Variants in RABGAP1L observed in about 807,000 individuals in gnomAD.
The protein encoded by RABGAP1L is RAB GTPase activating protein 1 like, also known as rab GTPase-activating protein 1-like.
A neutral mutation model predicts 137.7 loss-of-function variants in RABGAP1L; 63 were observed. The observed-to-expected ratio is 0.46, with a 90% CI of 0.37 to 0.56. The LOEUF (loss-of-function observed/expected upper bound fraction) is 0.56, where lower values mean the gene tolerates loss of function less well. Ranked by LOEUF, RABGAP1L falls within the 20% of genes least tolerant of loss-of-function variation. The pLI, the probability that RABGAP1L is intolerant of heterozygous loss-of-function variation, is 0.00. For missense variants in RABGAP1L, 1,095 were observed against 1,244.0 expected, an observed-to-expected ratio of 0.88 and a Z score of 1.80; for synonymous variants, 431 against 433.7, an observed-to-expected ratio of 0.99 and a Z score of 0.08.
chr1:174,567,675 G>T (rs1667676111), intron 13 of RABGAP1L, among the ~76,000 whole-genome samples: 1 of 152,118 alleles, frequency 6.6e-6, no homozygotes, highest in Non-Finnish European at 1.5e-5. Flanking sequence ...AGTGCTATTT[G>T]GCTGTTTGCT....
At chr1:174,959,453 C>CT (rs1395025763) in intron 20 of RABGAP1L, among the ~76,000 whole-genome samples, 1 of 152,038 alleles carries the variant, frequency 6.6e-6, no homozygotes, top group Non-Finnish European at 1.5e-5. Flanking sequence ...GTCTTAAATC[C>CT]TTTTTTGTGC....
intron 12 of RABGAP1L, among the ~76,000 whole-genome samples, chr1:174,390,958 G>GC (rs1442842007): frequency 6.6e-6 from 1 of 152,128 alleles, no homozygotes; most frequent in Admixed American, 6.5e-5. Flanking sequence ...AAAGAAAAGG[G>GC]CAAGAGTAAA....
intron 1 of RABGAP1L, among the ~76,000 whole-genome samples, chr1:174,194,557 G>C (rs190512627): frequency 9.2e-4 from 140 of 152,174 alleles, no homozygotes; most frequent in Non-Finnish European, 6.5e-4. Flanking sequence ...TCTAAAGCCT[G>C]GGACTGTCAG....
chr1:174,612,714 A>G (rs1557898916), intron 13 of RABGAP1L, among the ~76,000 whole-genome samples: 1 of 152,182 alleles, frequency 6.6e-6, no homozygotes, highest in Non-Finnish European at 1.5e-5. Context: ...TAAGCTATTG[A>G]TTATTGCCAC....
chr1:174,642,653 C>A (rs1013887141), intron 14 of RABGAP1L, among the ~76,000 whole-genome samples: 1 of 149,572 alleles, frequency 6.7e-6, no homozygotes, highest in African/African-American at 2.5e-5. Flanking sequence ...CCTCTCCTCT[C>A]CCCACCCTCT....
intron 13 of RABGAP1L, among the ~76,000 whole-genome samples, chr1:174,395,026 G>A (rs1163576536): frequency 1.3e-5 from 2 of 150,450 alleles, no homozygotes; most frequent in Non-Finnish European, 3.0e-5. Flanking sequence ...ATCCATTGGT[G>A]TGTGGGAAAA....
chr1:174,257,722 A>G (rs1356863700), intron 7 of RABGAP1L, among the ~76,000 whole-genome samples: 1 of 152,206 alleles, frequency 6.6e-6, no homozygotes, highest in African/African-American at 2.4e-5. Context: ...ATATTTTACC[A>G]AAAACACGAG....
intron 13 of RABGAP1L, among the ~76,000 whole-genome samples, chr1:174,608,411 G>A (rs941954807): frequency 1.3e-5 from 2 of 152,124 alleles, no homozygotes; most frequent in Non-Finnish European, 2.9e-5. Flanking sequence ...TTAGCCCAAG[G>A]CAATATGTAA....
intron 14 of RABGAP1L, among the ~76,000 whole-genome samples, chr1:174,674,761 CTT>C (rs1336314474): frequency 6.6e-6 from 1 of 152,076 alleles, no homozygotes; most frequent in Non-Finnish European, 1.5e-5. Flanking sequence ...TGTTTCCTAA[CTT>C]TTTAATGATC....
intron 13 of RABGAP1L, among the ~76,000 whole-genome samples, chr1:174,576,866 A>G (rs933022896): frequency 6.6e-6 from 1 of 152,148 alleles, no homozygotes; most frequent in Admixed American, 6.5e-5. Flanking sequence ...TAACGGAGCT[A>G]TCTTCAGGAA....
chr1:174,635,127 T>C (rs1460207318), intron 13 of RABGAP1L, among the ~76,000 whole-genome samples: 1 of 152,122 alleles, frequency 6.6e-6, no homozygotes, highest in Non-Finnish European at 1.5e-5. Context: ...TAGATTTTTT[T>C]CTTTTTACCA....
At chr1:174,351,221 T>C (rs1249025558) in intron 11 of RABGAP1L, among the ~76,000 whole-genome samples, 8 of 152,252 alleles carry the variant, frequency 5.3e-5, no homozygotes, top group African/African-American at 1.7e-4. Context: ...AGCACAATTA[T>C]AGTGTTATCA....
chr1:174,599,161 A>G (rs1670226639), intron 13 of RABGAP1L, among the ~76,000 whole-genome samples: 3 of 152,238 alleles, frequency 2.0e-5, no homozygotes, highest in Non-Finnish European at 4.4e-5. Context: ...CCAATCATTT[A>G]AAACTAATGA....
chr1:174,861,848 A>T (rs1224274486), intron 19 of RABGAP1L, among the ~76,000 whole-genome samples: 1 of 152,170 alleles, frequency 6.6e-6, no homozygotes, highest in Non-Finnish European at 1.5e-5. Context: ...TATTTTGGAT[A>T]TTAATCCCTC....
At chr1:174,602,154 A>G (rs961959129) in intron 13 of RABGAP1L, among the ~76,000 whole-genome samples, 3 of 152,048 alleles carry the variant, frequency 2.0e-5, no homozygotes, top group East Asian at 3.9e-4. Flanking sequence ...GCCCCACTCT[A>G]TGGGTACCAA....
At chr1:174,176,664 A>T (rs146074594) in intron 1 of RABGAP1L, among the ~76,000 whole-genome samples, 2,735 of 134,038 alleles carry the variant, frequency 0.02, 37 homozygotes, top group South Asian at 0.03. Context: ...GTGAGCTGAC[A>T]TGGCACCACT....
chr1:174,926,864 G>A (rs1662922501), intron 19 of RABGAP1L, among the ~76,000 whole-genome samples: 1 of 151,984 alleles, frequency 6.6e-6, no homozygotes, highest in Non-Finnish European at 1.5e-5. Context: ...CACAAGGTCA[G>A]GAGTTTGAGA....
At chr1:174,301,575 A>G (rs139971542) in intron 10 of RABGAP1L, among the ~76,000 whole-genome samples, 1 of 151,946 alleles carries the variant, frequency 6.6e-6, no homozygotes, top group East Asian at 2.0e-4. Flanking sequence ...CAAGAAGAAT[A>G]GGATCACGCT....
At chr1:174,765,177 T>C (rs1685569557) in intron 18 of RABGAP1L, among the ~76,000 whole-genome samples, 1 of 152,162 alleles carries the variant, frequency 6.6e-6, no homozygotes, top group African/African-American at 2.4e-5. Context: ...TGCTAACACT[T>C]GTTATTGTCT....
Sources: allele counts gnomAD v4.1 joint callset (sites outside exome capture counted in the v4.1 genomes callset), GRCh38; gene constraint gnomAD v4.1.1; transcripts MANE v1.5; gene names NCBI Gene and HGNC (gene_info 2026-07-23, HGNC 2026-07-21).